Variants in FAT3 observed in about 807,000 individuals in gnomAD.
FAT3 encodes the protein FAT atypical cadherin 3.
A neutral mutation model predicts 310.2 loss-of-function variants in FAT3; 95 were observed. The ratio of observed to expected loss-of-function variants is 0.31; its 90% CI spans 0.26 to 0.36. The LOEUF (loss-of-function observed/expected upper bound fraction) is 0.36. Ranked by LOEUF, FAT3 falls within the 10% of genes least tolerant of loss-of-function variation. The probability of loss-of-function intolerance (pLI) is 1.00; values close to 1 mark genes in which losing one functional copy is unlikely to be tolerated. For synonymous variants in FAT3, 2,314 were observed against 2,192.9 expected (o/e 1.06, Z -1.54); for missense variants, 5,408 against 5,715.6 (o/e 0.95, Z 1.74).
intron 19 of FAT3, among the ~76,000 whole-genome samples, chr11:92,853,906 C>T (rs1292107337): frequency 3.3e-5 from 5 of 152,184 alleles, no homozygotes; most frequent in Non-Finnish European, 5.9e-5. Context: ...ACAGCCCAGC[C>T]CCCAGGCTTC....
intron 3 of FAT3, among the ~76,000 whole-genome samples, chr11:92,657,503 ACAGATGAGTG>A (rs1942626109): frequency 6.6e-6 from 1 of 152,222 alleles, no homozygotes; most frequent in Non-Finnish European, 1.5e-5. Context: ...CATGTAAAGT[ACAGATGAGTG>A]CCTTCGATGG....
intron 1 of FAT3, among the ~76,000 whole-genome samples, chr11:92,304,808 G>T (rs79158935): frequency 0.011 from 1,737 of 152,186 alleles, 33 homozygotes; most frequent in African/African-American, 0.04. Context: ...CTGGTGGTAA[G>T]CAGGTGTGAG....
chr11:92,394,246 A>G (rs1203816032), intron 2 of FAT3, among the ~76,000 whole-genome samples: 1 of 152,172 alleles, frequency 6.6e-6, no homozygotes, highest in Non-Finnish European at 1.5e-5. Flanking sequence ...ATGCAGGCAG[A>G]TCGCTTGAGC....
intron 3 of FAT3, among the ~76,000 whole-genome samples, chr11:92,532,566 A>G (rs535409704): frequency 8.4e-4 from 128 of 152,334 alleles, no homozygotes; most frequent in South Asian, 7.9e-3. Context: ...CATTAGAGAA[A>G]AAATAATAAT....
chr11:92,530,780 C>G (rs1465032500), intron 3 of FAT3, among the ~76,000 whole-genome samples: 1 of 151,790 alleles, frequency 6.6e-6, no homozygotes, highest in African/African-American at 2.4e-5. Flanking sequence ...AATTTGTTAT[C>G]TTAGGTAAGT....
chr11:92,868,223 C>T (rs1252889022), intron 22 of FAT3, among the ~76,000 whole-genome samples: 1 of 152,130 alleles, frequency 6.6e-6, no homozygotes, highest in Non-Finnish European at 1.5e-5. Context: ...AAATCCAACT[C>T]CAAATTTAGA....
intron 2 of FAT3, among the ~76,000 whole-genome samples, chr11:92,378,632 A>G (rs1949413465): frequency 6.6e-6 from 1 of 152,148 alleles, no homozygotes; most frequent in Non-Finnish European, 1.5e-5. Context: ...TTTTATATGC[A>G]TTGACTTCTT....
chr11:92,353,571 G>A lies in FAT3; in HGVS notation c.1459G>A (p.Val487Met). ...TGCTTATGTGAATGAAAGTGTCCCA[G>A]TGGGAACCAGCGTTCTAACAGTTTC... is the stretch of plus-strand genomic sequence containing the variant. ...YDAYVNESVP[V>M]GTSVLTVSAS... is the part of the protein sequence containing the mutation. Residue 487 changes from valine (V) to methionine (M), a missense_variant, in exon 2 of 28, where the codon GTG becomes ATG. By Grantham distance (21) the Val-to-Met change is conservative (BLOSUM62 1). Around this residue, in one of 5 missense-constraint regions of FAT3, gnomAD observed 4,588 missense variants for 4,809.8 expected, o/e 0.95. Coordinates refer to ENST00000525166, the MANE Select transcript of FAT3 (RefSeq NM_001367949.2). 6.2e-7 allele frequency: 1 copy of A among 1,613,790 alleles called. No homozygotes were observed. Among genetic ancestry groups the A allele is most frequent in the African/African-American group, 1.3e-5 (1 of 75,046 alleles).
chr11:92,343,860 C>A (rs888722453), intron 1 of FAT3, among the ~76,000 whole-genome samples: 1 of 152,082 alleles, frequency 6.6e-6, no homozygotes, highest in African/African-American at 2.4e-5. Context: ...ATTGATTATA[C>A]CTCACTTCCA....
chr11:92,225,702 A>G (rs1007109812), intron 1 of FAT3, among the ~76,000 whole-genome samples: 6 of 152,036 alleles, frequency 3.9e-5, no homozygotes, highest in Non-Finnish European at 7.4e-5. Context: ...CACTTTCGCT[A>G]GGAAAGGGAA....
intron 3 of FAT3, among the ~76,000 whole-genome samples, chr11:92,543,446 A>C (rs1444304751): frequency 6.6e-6 from 1 of 152,174 alleles, no homozygotes; most frequent in African/African-American, 2.4e-5. Flanking sequence ...GTTCCCACTA[A>C]ATAGGTACAA....
chr11:92,231,758 G>T (rs1180939545), intron 1 of FAT3, among the ~76,000 whole-genome samples: 1 of 151,200 alleles, frequency 6.6e-6, no homozygotes, highest in Non-Finnish European at 1.5e-5. Context: ...AGATGACACA[G>T]ATTAAATTTA....
In FAT3 at chr11:92,848,238, T is replaced by C. The variant is rs114979525; in HGVS notation, c.11365+3506T>C. Among the ~76,000 whole-genome samples the C allele has an allele frequency of 5.1e-3, 779 of 152,314 alleles. 6 individuals carry two copies. Among genetic ancestry groups the C allele is most frequent in the African/African-American group, 0.018 (734 of 41,554 alleles). ...AAAATGCTGAGTTGTTTTAACAAAA[T>C]GAAAGCAGACTTGAATTTTGGTGCC... On this transcript the variant is annotated intron_variant, in intron 19 of 27. Transcript: ENST00000525166.
chr11:92,658,637 A>G (rs1339663425), intron 3 of FAT3, among the ~76,000 whole-genome samples: 2 of 152,124 alleles, frequency 1.3e-5, no homozygotes, highest in Non-Finnish European at 2.9e-5. Flanking sequence ...GAGGCTGCTG[A>G]CTCCGTACTG....
At chr11:92,843,787 A>T in intron 18 of FAT3, 147 bp from the exon 19 acceptor site, 1 of 759,460 alleles carries the variant, frequency 1.3e-6, no homozygotes, top group Non-Finnish European at 2.2e-6. Flanking sequence ...ACTTAAACGC[A>T]CATCCTCAGC....
intron 13 of FAT3, among the ~76,000 whole-genome samples, chr11:92,816,503 C>T (rs1427472814): frequency 6.6e-6 from 1 of 152,184 alleles, no homozygotes; most frequent in Non-Finnish European, 1.5e-5. Flanking sequence ...TGCACAGGAG[C>T]AGGGACACAT....
At chr11:92,560,956 T>A (rs1047842749) in intron 3 of FAT3, among the ~76,000 whole-genome samples, 4 of 152,336 alleles carry the variant, frequency 2.6e-5, no homozygotes, top group Middle Eastern at 3.4e-3. Context: ...TTTCATACTT[T>A]AAAAATGCCA....
At chr11:92,668,086 T>C (rs1045528469) in intron 3 of FAT3, among the ~76,000 whole-genome samples, 4 of 152,208 alleles carry the variant, frequency 2.6e-5, no homozygotes, top group Non-Finnish European at 4.4e-5. Context: ...CCTTTATTTT[T>C]GTCTCCTCTG....
chr11:92,247,283 T>C (rs1391278046), intron 1 of FAT3, among the ~76,000 whole-genome samples: 1 of 151,940 alleles, frequency 6.6e-6, no homozygotes, highest in Non-Finnish European at 1.5e-5. Flanking sequence ...TGAACCTGTA[T>C]CTGCCTTAAC....
Sources: gnomAD v4.1 joint callset for allele counts (sites outside exome capture counted in the v4.1 genomes callset) on GRCh38, gnomAD v4.1.1 for gene constraint, gnomAD v4.1.1 regional missense constraint, MANE v1.5 for transcripts, NCBI Gene and HGNC (gene_info 2026-07-23, HGNC 2026-07-21) for gene names.